Variants in MB21D2 observed in about 807,000 individuals in gnomAD.
The protein encoded by MB21D2 is Mab-21 domain containing 2, also known as nucleotidyltransferase MB21D2.
Under a neutral mutation model 33.3 loss-of-function variants are expected in MB21D2, and 9 were observed. That is an observed-to-expected ratio of 0.27 (90% CI 0.16 to 0.47). The LOEUF (loss-of-function observed/expected upper bound fraction) is 0.47. MB21D2 is among the 20% of genes least tolerant of loss of function. The pLI is 0.99. For missense variants in MB21D2, 540 were observed against 624.6 expected (o/e 0.86, Z 1.44); for synonymous variants, 241 against 236.3 (o/e 1.02, Z -0.18).
At chr3:192,901,614 A>C (rs1173337200) in intron 1 of MB21D2, among the ~76,000 whole-genome samples, 4 of 152,144 alleles carry the variant, frequency 2.6e-5, no homozygotes. Context: ...AGGTACAAAC[A>C]TATGCCCTCG....
At chr3:192,809,553 C>G (rs1169137912) in intron 1 of MB21D2, among the ~76,000 whole-genome samples, 1 of 152,162 alleles carries the variant, frequency 6.6e-6, no homozygotes, top group Non-Finnish European at 1.5e-5. Context: ...CAATGTAATA[C>G]CTTGGGCCTT....
chr3:192,885,186 C>G (rs758059268), intron 1 of MB21D2, among the ~76,000 whole-genome samples: 5 of 152,102 alleles, frequency 3.3e-5, no homozygotes, highest in Non-Finnish European at 7.3e-5. Flanking sequence ...AATTTAATTA[C>G]TAACAATAAA....
At chr3:192,887,572 T>C (rs1344238316) in intron 1 of MB21D2, among the ~76,000 whole-genome samples, 3 of 152,090 alleles carry the variant, frequency 2.0e-5, no homozygotes, top group Non-Finnish European at 4.4e-5. Flanking sequence ...TCTAAAATAA[T>C]CCACGGTGGG....
chr3:192,813,015 T>C (rs1372588327), intron 1 of MB21D2, among the ~76,000 whole-genome samples: 1 of 152,158 alleles, frequency 6.6e-6, no homozygotes, highest in Admixed American at 6.5e-5. Flanking sequence ...ATAAAATCTT[T>C]GGGGAAACAA....
At chr3:192,904,525 G>A (rs2108653149) in intron 1 of MB21D2, among the ~76,000 whole-genome samples, 1 of 152,292 alleles carries the variant, frequency 6.6e-6, no homozygotes, top group East Asian at 1.9e-4. Flanking sequence ...CGGGCCCTTG[G>A]CTGCGGTTCT....
chr3:192,891,456 T>C (rs1182648858), intron 1 of MB21D2, among the ~76,000 whole-genome samples: 6 of 152,142 alleles, frequency 3.9e-5, no homozygotes, highest in Non-Finnish European at 1.5e-5. Context: ...AATTTGCTGT[T>C]TCCAAGCTGG....
At chr3:192,902,295 C>G (rs1714120679) in intron 1 of MB21D2, among the ~76,000 whole-genome samples, 1 of 152,178 alleles carries the variant, frequency 6.6e-6, no homozygotes, top group Admixed American at 6.5e-5. Context: ...TACCAGCAAC[C>G]ACATAGAGCC....
At chr3:192,868,696 C>T (rs780954280) in intron 1 of MB21D2, among the ~76,000 whole-genome samples, 1 of 152,008 alleles carries the variant, frequency 6.6e-6, no homozygotes, top group Non-Finnish European at 1.5e-5. Context: ...ATTTTGTGGT[C>T]CATAAAATGA....
At chr3:192,830,932 G>C (rs1205968335) in intron 1 of MB21D2, among the ~76,000 whole-genome samples, 1 of 152,206 alleles carries the variant, frequency 6.6e-6, no homozygotes, top group African/African-American at 2.4e-5. Flanking sequence ...ATGGGTATGA[G>C]ATGGTCAAGC....
intron 1 of MB21D2, among the ~76,000 whole-genome samples, chr3:192,914,323 G>T (rs912527749): frequency 6.6e-6 from 1 of 152,148 alleles, no homozygotes; most frequent in Non-Finnish European, 1.5e-5. Flanking sequence ...ATTAACTACC[G>T]TAAAAATCAT....
chr3:192,849,852 A>G (rs1275625566), intron 1 of MB21D2, among the ~76,000 whole-genome samples: 3 of 152,232 alleles, frequency 2.0e-5, no homozygotes, highest in African/African-American at 7.2e-5. Flanking sequence ...CTCCTGGCAC[A>G]GAAGAGCCTC....
intron 1 of MB21D2, among the ~76,000 whole-genome samples, chr3:192,816,092 G>A (rs1711915926): frequency 6.6e-6 from 1 of 152,078 alleles, no homozygotes; most frequent in South Asian, 2.1e-4. Flanking sequence ...GCTATCAATT[G>A]TCCCAGGGTT....
At chr3:192,876,661 A>G (rs1330956814) in intron 1 of MB21D2, among the ~76,000 whole-genome samples, 2 of 151,914 alleles carry the variant, frequency 1.3e-5, no homozygotes, top group African/African-American at 4.8e-5. Context: ...TTCCCTCTCA[A>G]TTCTTGCCAC....
chr3:192,865,104 G>A (rs1713142330), intron 1 of MB21D2, among the ~76,000 whole-genome samples: 1 of 152,172 alleles, frequency 6.6e-6, no homozygotes, highest in South Asian at 2.1e-4. Context: ...GCTTCTCAAC[G>A]GTGGAGGAGC....
chr3:192,809,534 G>C (rs888576522), intron 1 of MB21D2, among the ~76,000 whole-genome samples: 1 of 152,188 alleles, frequency 6.6e-6, no homozygotes, highest in Admixed American at 6.5e-5. Context: ...TTTCCTAGGA[G>C]AGAATAAACA....
At chr3:192,834,519 C>T (rs919758029) in intron 1 of MB21D2, among the ~76,000 whole-genome samples, 1 of 151,810 alleles carries the variant, frequency 6.6e-6, no homozygotes, top group African/African-American at 2.4e-5. Flanking sequence ...CCTCTTTGCA[C>T]ATGCTGTTTC....
At position 192,800,382 on chromosome 3, in the gene MB21D2, G is replaced by A. The variant is rs142012291; in HGVS notation, c.212-732C>T. On this transcript the variant is annotated intron_variant, in intron 1 of 1. Coordinates refer to ENST00000392452, the MANE Select transcript of MB21D2 (RefSeq NM_178496.4). ...GGCATGAGCTACCACGCCCAGTCTT[G>A]TCTGACTTTTTTACTGTGTTGCCAT... Among the ~76,000 whole-genome samples the A allele has an allele frequency of 5.7e-4, 86 of 152,192 alleles. 1 individual carries two copies. The highest frequency in any genetic ancestry group is 2.0e-3 in the African/African-American group (82 of 41,524).
intron 1 of MB21D2, among the ~76,000 whole-genome samples, chr3:192,885,896 A>G (rs569213367): frequency 6.6e-6 from 1 of 152,150 alleles, no homozygotes; most frequent in South Asian, 2.1e-4. Context: ...TCCCACACAC[A>G]TCACAAATGG....
chr3:192,870,501 G>C (rs766932038), intron 1 of MB21D2, among the ~76,000 whole-genome samples: 23 of 151,834 alleles, frequency 1.5e-4, no homozygotes, highest in Non-Finnish European at 3.2e-4. Context: ...GACCAGCCTG[G>C]AAACATGGTG....
Sources: allele counts gnomAD v4.1 joint callset (sites outside exome capture counted in the v4.1 genomes callset), GRCh38; gene constraint gnomAD v4.1.1; transcripts MANE v1.5; gene names NCBI Gene and HGNC (gene_info 2026-07-23, HGNC 2026-07-21).